Variants in OGA observed in about 807,000 individuals in gnomAD.
The protein encoded by OGA is protein O-GlcNAcase.
A neutral mutation model predicts 102.0 loss-of-function variants in OGA; 21 were observed. The ratio of observed to expected loss-of-function variants is 0.21; its 90% CI spans 0.15 to 0.30. OGA has a LOEUF of 0.30. Among genes scored for constraint, OGA ranks in the 10% least tolerant of loss-of-function variants. The probability of loss-of-function intolerance (pLI) is 1.00; values close to 1 mark genes in which losing one functional copy is unlikely to be tolerated. For missense variants in OGA, 765 were observed against 1,107.8 expected, an observed-to-expected ratio of 0.69 and a Z score of 4.39; for synonymous variants, 408 against 378.2, an observed-to-expected ratio of 1.08 and a Z score of -0.91.
intron 14 of OGA, 46 bp downstream of exon 14, chr10:101,790,850 A>G: frequency 6.0e-6 from 8 of 1,323,238 alleles, no homozygotes; most frequent in Non-Finnish European, 8.2e-6. Context: ...AAATAAATAA[A>G]TAAAAAAGAC....
chr10:101,788,734 C>CAA (rs755718266), intron 14 of OGA, among the ~76,000 whole-genome samples: 6 of 76,484 alleles, frequency 7.8e-5, no homozygotes, highest in Non-Finnish European at 1.3e-4. Flanking sequence ...AACTCCGTCT[C>CAA]AAAAAAAAAA....
Position 101,786,161 on chromosome 10 carries a change from T to C in OGA, c.*290A>G, listed in dbSNP as rs187050831. ...CAGAAAATAGTGCTGACTACATTTA[T>C]TGAAGACTCTCTCCCTGTATAAGCC... is the stretch of plus-strand genomic sequence containing the variant. On this transcript the variant is annotated 3_prime_UTR_variant, in exon 16 of 16. Coordinates refer to ENST00000361464, the MANE Select transcript of OGA (RefSeq NM_012215.5). 3.4e-5 allele frequency: 8 copies of C among 235,246 alleles called. No individual in the cohort carries two copies. In the East Asian group the frequency reaches 6.8e-4, roughly 20 times the overall value. 14.6% of individuals were successfully genotyped at this position (235,246 alleles called of 1,614,324 possible).
intron 10 of OGA, chr10:101,797,633 G>A: frequency 2.3e-6 from 1 of 434,960 alleles, no homozygotes; most frequent in South Asian, 3.3e-5. Flanking sequence ...CAGAAAGCTT[G>A]TGGAGTCACA....
chr10:101,813,677 T>TA, intron 1 of OGA, 71 bp from the exon 2 acceptor site: 1 of 897,504 alleles, frequency 1.1e-6, no homozygotes, highest in South Asian at 1.5e-5. Flanking sequence ...AAAAGCAAGT[T>TA]ACAAAACATA....
intron 10 of OGA, among the ~76,000 whole-genome samples, chr10:101,795,400 A>G (rs2065302631): frequency 6.6e-6 from 1 of 152,242 alleles, no homozygotes; most frequent in African/African-American, 2.4e-5. Context: ...TGCAATTTAA[A>G]CTAATTAATC....
At chr10:101,798,764 T>C in intron 9 of OGA, 78 bp downstream of exon 9, 1 of 1,480,566 alleles carries the variant, frequency 6.8e-7, no homozygotes, top group Non-Finnish European at 9.1e-7. Flanking sequence ...TACAGTGTAC[T>C]CATTTAAGAA....
intron 6 of OGA, among the ~76,000 whole-genome samples, chr10:101,804,223 C>T (rs1564646548): frequency 6.8e-6 from 1 of 147,996 alleles, no homozygotes. Context: ...AATCATGGTT[C>T]TTTAAAATAT....
At position 101,817,809 on chromosome 10, in the gene OGA, A is replaced by C; in HGVS notation, c.199+15T>G. On this transcript the variant is annotated intron_variant, in intron 1 of 15. Transcript: ENST00000361464. ...CGTGTTAGTGCCAAAACGGGGAGGGAAGGAGGGCGCTCACCTTCCACCACA... is the reference window on the plus strand; with the variant it reads ...CGTGTTAGTGCCAAAACGGGGAGGGCAGGAGGGCGCTCACCTTCCACCACA... The C allele has an allele frequency of 6.5e-7, 1 of 1,536,168 alleles. No homozygotes were observed. Among genetic ancestry groups the C allele is most frequent in the Non-Finnish European group, 8.7e-7 (1 of 1,146,152 alleles).
intron 10 of OGA, among the ~76,000 whole-genome samples, chr10:101,796,349 C>T (rs1465354577): frequency 6.6e-6 from 1 of 152,090 alleles, no homozygotes; most frequent in Non-Finnish European, 1.5e-5. Context: ...GCAACCTCCA[C>T]CTCCTGGGTT....
Position 101,784,496 on chromosome 10 carries a change from G to C in OGA, c.*1955C>G, listed in dbSNP as rs369778694. 6.6e-6 allele frequency: 1 copy of C among 152,582 alleles called. No homozygotes were observed. Among genetic ancestry groups the C allele is most frequent in the Non-Finnish European group, 1.5e-5 (1 of 68,020 alleles). 9.5% of individuals were successfully genotyped at this position (152,582 alleles called of 1,614,324 possible). ...CCTCTTGCATGGTCTTTTACAGTTC[G>C]TTTTCTACAGGAACTGAGCTCTGAT... On this transcript the variant is annotated 3_prime_UTR_variant, in exon 16 of 16. Coordinates refer to ENST00000361464, the MANE Select transcript of OGA (RefSeq NM_012215.5).
intron 7 of OGA, among the ~76,000 whole-genome samples, chr10:101,803,283 A>G (rs1348955159): frequency 1.3e-5 from 2 of 152,072 alleles, no homozygotes; most frequent in East Asian, 3.8e-4. Flanking sequence ...GAATGATTCT[A>G]GAGATAATGG....
At chr10:101,791,696 G>A (rs1228907975) in intron 12 of OGA, among the ~76,000 whole-genome samples, 1 of 152,246 alleles carries the variant, frequency 6.6e-6, no homozygotes, top group Non-Finnish European at 1.5e-5. Flanking sequence ...TTGAGACAAA[G>A]TCTTGCTGTC....
In OGA at chr10:101,806,271, C is replaced by T. The variant is rs1271575206; in HGVS notation, c.653-128G>A. On this transcript the variant is annotated intron_variant, in intron 5 of 15. Transcript: ENST00000361464. ...AGGCTAGAGTGCAGTGGCACGATCTCGGCTCACTGCAACCTCTGCCTCCTG... is the reference window on the plus strand; with the variant it reads ...AGGCTAGAGTGCAGTGGCACGATCTTGGCTCACTGCAACCTCTGCCTCCTG... 3.3e-5 allele frequency: 18 copies of T among 553,798 alleles called. No homozygotes were observed. The East Asian group carries it at 4.0e-4, about 12-fold the overall frequency. 34.3% of individuals were successfully genotyped at this position (553,798 alleles called of 1,614,324 possible).
intron 15 of OGA, 47 bp from the exon 16 acceptor site, chr10:101,786,634 G>A: frequency 7.0e-7 from 1 of 1,419,708 alleles, no homozygotes; most frequent in Non-Finnish European, 9.4e-7. Context: ...CACTTAATTA[G>A]TATAATTATA....
chr10:101,792,979 G>A lies in OGA; in HGVS notation c.2071-36C>T. On this transcript the variant is annotated intron_variant, in intron 11 of 15. Coordinates refer to ENST00000361464, the MANE Select transcript of OGA (RefSeq NM_012215.5). ...AAAAAAAAGGAGATGGATTAGTTTG[G>A]GGAAGGTATCCATTTTTTTAAATGG... The A allele has an allele frequency of 2.6e-6, 4 of 1,550,064 alleles. No individual in the cohort carries two copies. In the South Asian group the frequency reaches 4.5e-5, roughly 17 times the overall value.
intron 8 of OGA, 31 bp downstream of exon 8, chr10:101,800,211 A>G: frequency 6.2e-7 from 1 of 1,601,302 alleles, no homozygotes; most frequent in Non-Finnish European, 8.6e-7. Context: ...TATGTGATCT[A>G]ACCCCCTTAA....
rs953126345 is a variant in OGA, at chr10:101,790,273, T to G, written c.2454+623A>C. Among the ~76,000 whole-genome samples the G allele has an allele frequency of 4.9e-5, 7 of 142,388 alleles. No individual in the cohort carries two copies. In the East Asian group the frequency reaches 6.0e-4, roughly 12 times the overall value. 93.4% of individuals were successfully genotyped at this position (142,388 alleles called of 152,430 possible). On this transcript the variant is annotated intron_variant, in intron 14 of 15. Transcript: ENST00000361464. ...AACGACCATAATATCTTGTTTTTTT[T>G]TTTTTTTTTTTTTTTTTGAGACAGA... is the stretch of plus-strand genomic sequence containing the variant.
At chr10:101,808,062 C>T (rs4919596) in intron 4 of OGA, among the ~76,000 whole-genome samples, 161 bp from the exon 5 acceptor site, 152,041 of 152,368 alleles carry the variant, frequency 1, 75,861 homozygotes, top group Middle Eastern at 1. Flanking sequence ...GTAAGTTAAA[C>T]AGTTTTGGGA....
intron 7 of OGA, among the ~76,000 whole-genome samples, chr10:101,802,688 CTACTT>C (rs1001948361): frequency 6.6e-6 from 1 of 150,714 alleles, no homozygotes; most frequent in South Asian, 2.1e-4. Flanking sequence ...AAAAAAAAAA[CTACTT>C]TATTCTTTGC....
Sources: allele counts gnomAD v4.1 joint callset (sites outside exome capture counted in the v4.1 genomes callset), GRCh38; gene constraint gnomAD v4.1.1; transcripts MANE v1.5; gene names NCBI Gene and HGNC (gene_info 2026-07-23, HGNC 2026-07-21).